Variants in MAL2 observed in about 807,000 individuals in gnomAD.
The protein encoded by MAL2 is protein MAL2.
A neutral mutation model predicts 18.1 loss-of-function variants in MAL2; 17 were observed. The observed-to-expected ratio is 0.94, with a 90% CI of 0.64 to 1.41. MAL2 has a LOEUF of 1.41. Among genes scored for constraint, MAL2 ranks in the 40% most tolerant of loss-of-function variants. The probability of loss-of-function intolerance (pLI) is 0.00; values close to 1 mark genes in which losing one functional copy is unlikely to be tolerated. For synonymous variants in MAL2, 102 were observed against 102.3 expected, an observed-to-expected ratio of 1.00 and a Z score of 0.02; for missense variants, 222 against 231.9, an observed-to-expected ratio of 0.96 and a Z score of 0.28.
chr8:119,231,859 T>C (rs1325633960), intron 2 of MAL2, among the ~76,000 whole-genome samples: 1 of 152,164 alleles, frequency 6.6e-6, no homozygotes, highest in Non-Finnish European at 1.5e-5. Flanking sequence ...TGTGAAATCT[T>C]GAACAGTTGA....
chr8:119,231,023 T>A (rs1011806670), intron 2 of MAL2, among the ~76,000 whole-genome samples: 134 of 150,758 alleles, frequency 8.9e-4, no homozygotes, highest in Middle Eastern at 6.8e-3. Flanking sequence ...GTGAGAACAG[T>A]TTTTTTTTTT....
At chr8:119,242,946 T>C (rs1004644824) in intron 3 of MAL2, among the ~76,000 whole-genome samples, 9 of 152,222 alleles carry the variant, frequency 5.9e-5, no homozygotes, top group African/African-American at 2.2e-4. Context: ...CAAGCCAACC[T>C]GATAATTCAT....
At chr8:119,236,886 G>C (rs887564832) in intron 2 of MAL2, among the ~76,000 whole-genome samples, 5 of 150,234 alleles carry the variant, frequency 3.3e-5, no homozygotes, top group Non-Finnish European at 5.9e-5. Flanking sequence ...AAAAGAACTA[G>C]AAAAGCAAGA....
At chr8:119,238,643 T>G (rs1176866986) in intron 2 of MAL2, among the ~76,000 whole-genome samples, 2 of 149,670 alleles carry the variant, frequency 1.3e-5, no homozygotes, top group Non-Finnish European at 1.5e-5. Context: ...CTATCTGATC[T>G]TTGACAAACC....
At chr8:119,240,397 G>C in intron 3 of MAL2, 77 bp downstream of exon 3, 1 of 1,449,996 alleles carries the variant, frequency 6.9e-7, no homozygotes, top group Non-Finnish European at 9.4e-7. Context: ...AACTCCTCAG[G>C]CAACAATAGT....
intron 2 of MAL2, among the ~76,000 whole-genome samples, chr8:119,232,451 C>G (rs1212337753): frequency 2.8e-4 from 42 of 152,038 alleles, no homozygotes; most frequent in Admixed American, 2.7e-3. Flanking sequence ...TAAAAATAAA[C>G]AGTGATGTGT....
chr8:119,229,761 C>T (rs1398804333), intron 2 of MAL2, among the ~76,000 whole-genome samples: 1 of 152,166 alleles, frequency 6.6e-6, no homozygotes, highest in African/African-American at 2.4e-5. Flanking sequence ...TCCCTTTCAA[C>T]CTTGCAACCA....
chr8:119,237,724 G>A (rs1817939116), intron 2 of MAL2, among the ~76,000 whole-genome samples: 1 of 151,660 alleles, frequency 6.6e-6, no homozygotes, highest in Non-Finnish European at 1.5e-5. Flanking sequence ...AAAAGCCTTT[G>A]ACAAAATTCA....
At chr8:119,235,177 G>C in intron 2 of MAL2, among the ~76,000 whole-genome samples, 1 of 152,172 alleles carries the variant, frequency 6.6e-6, no homozygotes, top group Non-Finnish European at 1.5e-5. Context: ...AGCCTCAGGA[G>C]CGAATGCGAT....
At chr8:119,218,791 A>G (rs989597163) in intron 1 of MAL2, among the ~76,000 whole-genome samples, 5 of 152,126 alleles carry the variant, frequency 3.3e-5, no homozygotes, top group Admixed American at 6.5e-5. Context: ...CTAACTCATT[A>G]TGTTTATCTA....
At chr8:119,209,259 G>T in intron 1 of MAL2, 1 of 152,776 alleles carries the variant, frequency 6.5e-6, no homozygotes, top group Non-Finnish European at 1.5e-5. Context: ...CAATGGTGGG[G>T]GAAAGATGGA....
At chr8:119,243,312 T>C (rs1389952616) in intron 3 of MAL2, 105 bp from the exon 4 acceptor site, 3 of 687,386 alleles carry the variant, frequency 4.4e-6, no homozygotes, top group East Asian at 6.5e-5. Flanking sequence ...TGTCGAAGTA[T>C]CTTTAGGTAG....
At chr8:119,211,751 A>G (rs1817271253) in intron 1 of MAL2, among the ~76,000 whole-genome samples, 1 of 142,674 alleles carries the variant, frequency 7.0e-6, no homozygotes, top group African/African-American at 2.6e-5. Context: ...ACTCCTGGAT[A>G]CCTAATTGTC....
Position 119,208,787 on chromosome 8 carries a change from AGCACCTGTTAC to A in MAL2, c.132+186_132+196del, listed in dbSNP as rs1489446587. The A allele has an allele frequency of 3.1e-6, 3 of 968,682 alleles. No individual in the cohort carries two copies. Among genetic ancestry groups the A allele is most frequent in the Non-Finnish European group, 4.0e-6 (3 of 754,134 alleles). The allele number at this position is 968,682 out of a possible 1,614,324, so 60.0% of individuals were successfully genotyped here. On this transcript the variant is annotated intron_variant, in intron 1 of 3. Coordinates refer to ENST00000614891, the MANE Select transcript of MAL2 (RefSeq NM_052886.3). This position sits in a 1 kb window ranked among gnomAD's most constrained non-coding sequence, Gnocchi z 4.3. Reference sequence around the variant, plus strand: ...CGCCGCCGCCCGGGCCCTCCCTCCTAGCACCTGTTACGCGGGCACCTGCTCCCCCGCGGGCG... The same window carrying A: ...CGCCGCCGCCCGGGCCCTCCCTCCTAGCGGGCACCTGCTCCCCCGCGGGCG...
At position 119,244,683 on chromosome 8, in the gene MAL2, G is replaced by C. The variant is rs1466326389; in HGVS notation, c.*1195G>C. ...TAAATATAAAGTTGTAGATTCTTATGTGTTTTTGTATTAGCCCAGACATCT... is the reference window on the plus strand; with the variant it reads ...TAAATATAAAGTTGTAGATTCTTATCTGTTTTTGTATTAGCCCAGACATCT... On this transcript the variant is annotated 3_prime_UTR_variant, in exon 4 of 4. Transcript: ENST00000614891. The C allele has an allele frequency of 6.6e-6, 1 of 152,124 alleles. No individual in the cohort carries two copies. The highest frequency in any genetic ancestry group is 1.9e-4 in the East Asian group (1 of 5,192). 9.4% of individuals were successfully genotyped at this position (152,124 alleles called of 1,614,324 possible).
intron 3 of MAL2, 93 bp from the exon 4 acceptor site, chr8:119,243,324 T>C (rs1198869630): frequency 4.9e-6 from 4 of 811,788 alleles, no homozygotes; most frequent in African/African-American, 1.8e-5. Flanking sequence ...TTTAGGTAGA[T>C]TGTTGGTCAA....
chr8:119,241,559 C>T (rs897023521), intron 3 of MAL2, among the ~76,000 whole-genome samples: 4 of 152,124 alleles, frequency 2.6e-5, no homozygotes, highest in African/African-American at 9.7e-5. Flanking sequence ...TTAATAATCA[C>T]ATGTGCCTAG....
At chr8:119,231,195 C>G (rs1037298480) in intron 2 of MAL2, among the ~76,000 whole-genome samples, 4 of 152,094 alleles carry the variant, frequency 2.6e-5, no homozygotes, top group African/African-American at 7.2e-5. Context: ...CCACACCCAG[C>G]TAATCTTTTT....
chr8:119,209,907 G>A lies in MAL2; in HGVS notation c.132+1303G>A, dbSNP rs74906262. Among the ~76,000 whole-genome samples, 619 of 152,278 alleles carry A rather than the reference G, an allele frequency of 4.1e-3. 7 individuals are homozygous for A. The highest frequency in any genetic ancestry group is 0.014 in the African/African-American group (593 of 41,558). On this transcript the variant is annotated intron_variant, in intron 1 of 3. Coordinates refer to ENST00000614891, the MANE Select transcript of MAL2 (RefSeq NM_052886.3). ...GTGCAGGCATCCATGTGGGAAGAGCGGAGAGACGATGGCATTGGGCTGGCT... is the reference window on the plus strand; with the variant it reads ...GTGCAGGCATCCATGTGGGAAGAGCAGAGAGACGATGGCATTGGGCTGGCT...
Sources: gnomAD v4.1 joint callset for allele counts (sites outside exome capture counted in the v4.1 genomes callset) on GRCh38, gnomAD v4.1.1 for gene constraint, Gnocchi (gnomAD v3.1) non-coding constraint, MANE v1.5 for transcripts, NCBI Gene and HGNC (gene_info 2026-07-23, HGNC 2026-07-21) for gene names.